The following PHTF2 variants were observed in gnomAD, a reference collection of about 807,000 sequenced individuals.
The protein encoded by PHTF2 is putative homeodomain transcription factor 2.
In PHTF2, 60 loss-of-function variants were observed where a neutral mutation model predicts 101.2. The observed-to-expected ratio is 0.59, with a 90% CI of 0.48 to 0.73. PHTF2 has a LOEUF of 0.73. Among genes scored for constraint, PHTF2 ranks in the 30% least tolerant of loss-of-function variants. PHTF2 has a pLI of 0.00. For synonymous variants in PHTF2, 311 were observed against 307.3 expected (o/e 1.01, Z -0.13); for missense variants, 747 against 908.7 (o/e 0.82, Z 2.29).
chr7:77,872,012 A>G (rs916382477), intron 3 of PHTF2, among the ~76,000 whole-genome samples: 1 of 152,164 alleles, frequency 6.6e-6, no homozygotes, highest in Non-Finnish European at 1.5e-5. Context: ...GTTCAATATA[A>G]TCAATCTGCC....
chr7:77,932,866 A>G (rs1804737366), intron 12 of PHTF2, among the ~76,000 whole-genome samples: 3 of 152,164 alleles, frequency 2.0e-5, no homozygotes, highest in Admixed American at 6.5e-5. Context: ...TATCTCATGT[A>G]TTTAACCTTT....
intron 3 of PHTF2, among the ~76,000 whole-genome samples, chr7:77,886,277 A>G (rs1799840627): frequency 6.6e-6 from 1 of 152,204 alleles, no homozygotes. Context: ...CTTCTTTTCT[A>G]AAATTCCTAA....
At chr7:77,854,956 G>C (rs1797059279) in intron 3 of PHTF2, 1 of 605,314 alleles carries the variant, frequency 1.7e-6, no homozygotes, top group African/African-American at 1.8e-5. Flanking sequence ...GAGCCTGCCT[G>C]GTGTTCTACC....
At chr7:77,920,257 T>C in intron 9 of PHTF2, 22 bp from the exon 9 acceptor site, 1 of 1,357,384 alleles carries the variant, frequency 7.4e-7, no homozygotes, top group Non-Finnish European at 1.0e-6. Flanking sequence ...CCAAACATTC[T>C]TCTGCATATT....
chr7:77,937,708 A>G lies in PHTF2; in HGVS notation c.1339-2A>G. On this transcript the variant is annotated splice_acceptor_variant, in intron 12 of 19. Coordinates refer to ENST00000416283, the Ensembl canonical transcript of PHTF2. LOFTEE classifies it high-confidence loss of function. The stretch of plus-strand genomic sequence containing the variant: ...ATTTACTAATTTTTTTTTTTTTTAT[A>G]GAGTCATTTGCCCTGGCTCCATAGT... 2 of 1,208,148 alleles carry G rather than the reference A, an allele frequency of 1.7e-6. No individual in the cohort carries two copies. The highest frequency in any genetic ancestry group is 2.2e-6 in the Non-Finnish European group (2 of 911,432). The allele number at this position is 1,208,148 out of a possible 1,614,324, so 74.8% of individuals were successfully genotyped here. A position where few individuals can be genotyped will look rare whatever the true frequency, so the allele number is the denominator to read the frequency against.
intron 3 of PHTF2, among the ~76,000 whole-genome samples, chr7:77,877,219 G>A (rs1799024073): frequency 6.6e-6 from 1 of 151,178 alleles, no homozygotes; most frequent in African/African-American, 2.4e-5. Context: ...GGGTTCAAGC[G>A]ATTCTCCTGC....
At chr7:77,827,041 A>G (rs918310557) in intron 1 of PHTF2, among the ~76,000 whole-genome samples, 2 of 152,256 alleles carry the variant, frequency 1.3e-5, no homozygotes, top group Non-Finnish European at 2.9e-5. Context: ...AATAAAATCT[A>G]AATGTTAGAT....
chr7:77,840,202 G>GT lies in PHTF2; in HGVS notation c.-35-14dup. The GT allele has an allele frequency of 7.6e-7, 1 of 1,320,226 alleles. No individual in the cohort carries two copies. The highest frequency in any genetic ancestry group is 1.1e-6 in the Non-Finnish European group (1 of 914,822). The allele number at this position is 1,320,226 out of a possible 1,614,324, so 81.8% of individuals were successfully genotyped here. On this transcript the variant is annotated intron_variant, in intron 1 of 19. Coordinates refer to ENST00000416283, the Ensembl canonical transcript of PHTF2. Reference sequence around the variant, plus strand: ...AGGTGGGAAATAAAGTCATTTGTATGTTTTTCTCTCTTGCACAGCCTAAAA... The same window carrying GT: ...AGGTGGGAAATAAAGTCATTTGTATGTTTTTTCTCTCTTGCACAGCCTAAAA...
intron 16 of PHTF2, among the ~76,000 whole-genome samples, chr7:77,947,826 C>CTTTCTTTTTT (rs1562976127): frequency 2.3e-5 from 2 of 86,932 alleles, no homozygotes; most frequent in African/African-American, 9.4e-5. Context: ...TTTCTTTTTT[C>CTTTCTTTTTT]TTTTTTCTTT....
chr7:77,869,024 CAAAA>C (rs763581591), intron 3 of PHTF2, among the ~76,000 whole-genome samples: 5 of 151,958 alleles, frequency 3.3e-5, no homozygotes, highest in Non-Finnish European at 7.4e-5. Context: ...AGCAAAAAAA[CAAAA>C]AAGATCTTTG....
chr7:77,895,497 A>G (rs1800799003), intron 5 of PHTF2, among the ~76,000 whole-genome samples: 1 of 152,162 alleles, frequency 6.6e-6, no homozygotes, highest in Non-Finnish European at 1.5e-5. Flanking sequence ...TTTGACAGTT[A>G]GAAAGCCTTT....
chr7:77,922,807 T>TA, intron 11 of PHTF2, 29 bp downstream of exon 10: 1 of 1,440,018 alleles, frequency 6.9e-7, no homozygotes, highest in South Asian at 1.3e-5. Context: ...AGTGTATACA[T>TA]ACGTATCTAT....
chr7:77,935,023 C>T (rs923297633), intron 12 of PHTF2, among the ~76,000 whole-genome samples: 5 of 151,592 alleles, frequency 3.3e-5, no homozygotes, highest in African/African-American at 1.2e-4. Context: ...AAATTATTTG[C>T]TCTGATGTTT....
chr7:77,894,687 C>T (rs1800733015), intron 5 of PHTF2, among the ~76,000 whole-genome samples: 1 of 151,996 alleles, frequency 6.6e-6, no homozygotes, highest in South Asian at 2.1e-4. Context: ...GAGATAAATT[C>T]CTTTAAGAGA....
intron 3 of PHTF2, among the ~76,000 whole-genome samples, chr7:77,876,303 A>G (rs77002262): frequency 9.9e-5 from 15 of 152,208 alleles, no homozygotes; most frequent in Non-Finnish European, 1.9e-4. Flanking sequence ...TAATACAACT[A>G]TCACTTTTTA....
At chr7:77,952,241 T>C (rs565503662) in intron 18 of PHTF2, among the ~76,000 whole-genome samples, 1 of 152,288 alleles carries the variant, frequency 6.6e-6, no homozygotes, top group African/African-American at 2.4e-5. Context: ...GCTTACAATA[T>C]TCATTATGTT....
exon 13 of PHTF2, chr7:77,937,714 A>G: frequency 7.7e-7 from 1 of 1,302,848 alleles, no homozygotes; most frequent in Non-Finnish European, 1.0e-6. Context: ...TTATAGAGTC[A>G]TTTGCCCTGG....
intron 1 of PHTF2, among the ~76,000 whole-genome samples, chr7:77,837,423 TGCTTTGTCAGATA>T (rs1795556523): frequency 6.6e-6 from 1 of 152,214 alleles, no homozygotes; most frequent in Admixed American, 6.5e-5. Context: ...TATCTTTGAG[TGCTTTGTCAGATA>T]GCTGGTTCAG....
chr7:77,816,235 T>G (rs902608943), intron 1 of PHTF2, among the ~76,000 whole-genome samples: 1 of 152,076 alleles, frequency 6.6e-6, no homozygotes, highest in Non-Finnish European at 1.5e-5. Context: ...CCACAATGCC[T>G]GGCTAATTTT....
Sources: gnomAD v4.1 joint callset for allele counts (sites outside exome capture counted in the v4.1 genomes callset) on GRCh38, gnomAD v4.1.1 for gene constraint, MANE v1.5 for transcripts, NCBI Gene and HGNC (gene_info 2026-07-23, HGNC 2026-07-21) for gene names.